The following SCN1A variants were observed in gnomAD, a reference collection of about 807,000 sequenced individuals.
SCN1A encodes sodium channel protein type 1 subunit alpha.
SCN1A carries 13 observed loss-of-function variants against 193.7 expected under a neutral mutation model. That is an observed-to-expected ratio of 0.07 (90% CI 0.04 to 0.11). The LOEUF (loss-of-function observed/expected upper bound fraction) is 0.11. Among genes scored for constraint, SCN1A ranks in the 10% least tolerant of loss-of-function variants. The pLI, the probability that SCN1A is intolerant of heterozygous loss-of-function variation, is 1.00. For missense variants in SCN1A, 1,432 were observed against 2,451.1 expected (o/e 0.58, Z 8.78); for synonymous variants, 781 against 843.6 (o/e 0.93, Z 1.29).
At chr2:166,071,634 T>G (rs1354943275) in intron 4 of SCN1A, 1 of 151,388 alleles carries the variant, frequency 6.6e-6, no homozygotes, top group Non-Finnish European at 1.5e-5. Flanking sequence ...CTCACGCCTG[T>G]AATCCTAGCA....
At chr2:166,030,239 T>C (rs1231826593) in intron 19 of SCN1A, among the ~76,000 whole-genome samples, 1 of 152,228 alleles carries the variant, frequency 6.6e-6, no homozygotes, top group African/African-American at 2.4e-5. Context: ...TGTGTAACTT[T>C]GGCAAGTTTT....
intron 2 of SCN1A, among the ~76,000 whole-genome samples, chr2:166,105,956 G>T (rs1300168409): frequency 1.3e-5 from 2 of 152,334 alleles, no homozygotes; most frequent in East Asian, 3.9e-4. Flanking sequence ...GGGAGGCCGA[G>T]GCGGGTGGAT....
intron 9 of SCN1A, among the ~76,000 whole-genome samples, chr2:166,051,434 T>C (rs1698538675): frequency 1.3e-5 from 2 of 152,078 alleles, no homozygotes; most frequent in Admixed American, 1.3e-4. Flanking sequence ...CATTCCTAGA[T>C]GGAAGGCACA....
chr2:166,032,693 A>G (rs1695796175), intron 19 of SCN1A, among the ~76,000 whole-genome samples: 1 of 152,170 alleles, frequency 6.6e-6, no homozygotes, highest in Non-Finnish European at 1.5e-5. Context: ...ATTAGGGGAT[A>G]AATAGAAGTT....
chr2:166,053,483 T>C (rs1216968568), intron 7 of SCN1A, among the ~76,000 whole-genome samples: 1 of 152,044 alleles, frequency 6.6e-6, no homozygotes, highest in African/African-American at 2.4e-5. Flanking sequence ...CTTACTGCTT[T>C]TATATATGAG....
At chr2:166,135,289 C>T (rs3919196) in intron 1 of SCN1A, among the ~76,000 whole-genome samples, 36,681 of 152,082 alleles carry the variant, frequency 0.24, 4,523 homozygotes, top group Non-Finnish European at 0.26. Flanking sequence ...ACTTTCTTTA[C>T]TCTAAAGGAT....
chr2:166,067,478 T>TC (rs1384995050), intron 4 of SCN1A, among the ~76,000 whole-genome samples: 6 of 151,616 alleles, frequency 4.0e-5, no homozygotes, highest in Non-Finnish European at 8.8e-5. Flanking sequence ...TCTCTTTTTT[T>TC]TTTTTCCACT....
At chr2:166,038,206 T>C (rs1696697531) in intron 17 of SCN1A, 74 bp from the exon 18 acceptor site, 1 of 1,170,896 alleles carries the variant, frequency 8.5e-7, no homozygotes, top group Admixed American at 2.4e-5. Context: ...TACCTAGAAA[T>C]GGTCATTAGA....
intron 2 of SCN1A, chr2:166,081,670 A>G (rs1685538819): frequency 6.6e-6 from 1 of 151,884 alleles, no homozygotes; most frequent in Admixed American, 6.6e-5. Flanking sequence ...AAGAAATACC[A>G]TAACTAAGGT....
chr2:166,016,810 G>A (rs557526134), intron 19 of SCN1A, among the ~76,000 whole-genome samples: 9 of 151,694 alleles, frequency 5.9e-5, no homozygotes, highest in Non-Finnish European at 1.2e-4. Context: ...ATGTAGACCC[G>A]ACAATAGGCA....
intron 2 of SCN1A, among the ~76,000 whole-genome samples, chr2:166,086,308 A>G (rs1319285190): frequency 6.6e-6 from 1 of 152,186 alleles, no homozygotes; most frequent in East Asian, 1.9e-4. Flanking sequence ...ACCACCCACT[A>G]GGGAATGATT....
At chr2:166,054,600 A>G (rs749264247) in intron 7 of SCN1A, 38 bp downstream of exon 7, 26 of 1,609,474 alleles carry the variant, frequency 1.6e-5, no homozygotes, top group Non-Finnish European at 2.2e-5. Context: ...GGAAAACCAA[A>G]CTATGTTCTC....
rs139963975 is a variant in SCN1A, at chr2:166,102,656, T to G, written c.-142+24268A>C. 5.3e-3 allele frequency among the ~76,000 whole-genome samples: 813 copies of G among 152,126 alleles called. 9 individuals carry two copies. Among genetic ancestry groups the G allele is most frequent in the African/African-American group, 0.018 (733 of 41,522 alleles). ...CAGTTTGAAGATTTCTCAGAATAAATGAAAACAGAACTACCATTTGACCCA... is the reference window on the plus strand; with the variant it reads ...CAGTTTGAAGATTTCTCAGAATAAAGGAAAACAGAACTACCATTTGACCCA... On this transcript the variant is annotated intron_variant, in intron 2 of 28. Coordinates refer to ENST00000674923, the MANE Select transcript of SCN1A (RefSeq NM_001165963.4).
chr2:166,048,389 G>A (rs1370080883), intron 10 of SCN1A, among the ~76,000 whole-genome samples: 2 of 152,088 alleles, frequency 1.3e-5, no homozygotes, highest in South Asian at 4.1e-4. Context: ...AGTGTGTGTT[G>A]TTCCCTATAT....
intron 19 of SCN1A, among the ~76,000 whole-genome samples, chr2:166,034,737 G>A (rs1696105717): frequency 6.6e-6 from 1 of 152,146 alleles, no homozygotes; most frequent in South Asian, 2.1e-4. Context: ...CCTGTAAGGT[G>A]GTGATAAAGG....
At chr2:166,127,317 C>T (rs953493551) in intron 1 of SCN1A, among the ~76,000 whole-genome samples, 43 of 152,162 alleles carry the variant, frequency 2.8e-4, no homozygotes, top group African/African-American at 8.9e-4. Flanking sequence ...GCCCCGCTGC[C>T]TTCTTTCTTC....
At chr2:166,062,456 A>G (rs1488859077) in intron 4 of SCN1A, among the ~76,000 whole-genome samples, 1 of 152,160 alleles carries the variant, frequency 6.6e-6, no homozygotes, top group African/African-American at 2.4e-5. Context: ...GAAGCCGATC[A>G]TTCAGTTTAT....
intron 19 of SCN1A, among the ~76,000 whole-genome samples, chr2:166,024,432 A>G (rs1694477481): frequency 6.6e-6 from 1 of 152,180 alleles, no homozygotes; most frequent in South Asian, 2.1e-4. Flanking sequence ...ATTTGTGTTA[A>G]GTATCTGTCT....
intron 5 of SCN1A, among the ~76,000 whole-genome samples, chr2:166,058,031 T>C (rs1699298787): frequency 6.6e-6 from 1 of 152,094 alleles, no homozygotes; most frequent in African/African-American, 2.4e-5. Context: ...CAGCCAATAT[T>C]CCAGTACTTC....
Sources: allele counts gnomAD v4.1 joint callset (sites outside exome capture counted in the v4.1 genomes callset), GRCh38; gene constraint gnomAD v4.1.1; transcripts MANE v1.5; gene names NCBI Gene and HGNC (gene_info 2026-07-23, HGNC 2026-07-21).